The following MAST4 variants were observed in gnomAD, a reference collection of about 807,000 sequenced individuals.
MAST4 encodes the protein microtubule associated serine/threonine kinase family member 4.
A neutral mutation model predicts 162.7 loss-of-function variants in MAST4; 89 were observed. The observed-to-expected ratio is 0.55, with a 90% confidence interval of 0.46 to 0.65. MAST4 has a LOEUF of 0.65. Among genes scored for constraint, MAST4 ranks in the 30% least tolerant of loss-of-function variants. The pLI is 0.00. For missense variants in MAST4, 3,153 were observed against 3,374.0 expected, an observed-to-expected ratio of 0.93 and a Z score of 1.62; for synonymous variants, 1,479 against 1,361.1, an observed-to-expected ratio of 1.09 and a Z score of -1.91.
chr5:67,102,429 A>T, intron 8 of MAST4, 107 bp from the exon 9 acceptor site: 1 of 981,828 alleles, frequency 1.0e-6, no homozygotes, highest in East Asian at 2.4e-5. Context: ...TACTTTTCTT[A>T]CAAAGGTTGC....
chr5:67,088,713 G>A lies in MAST4; in HGVS notation c.764-1449G>A, dbSNP rs117364481. Among the ~76,000 whole-genome samples, 103 of 152,248 alleles carry A rather than the reference G, an allele frequency of 6.8e-4. 2 individuals are homozygous for A. In the East Asian group the frequency reaches 0.018, roughly 26 times the overall value. On this transcript the variant is annotated intron_variant, in intron 5 of 28. Transcript: ENST00000403625. ...GGGCCCAAGGAATAACAGATGCAAA[G>A]CCATGATAAATTTCATTGCAGCAGG... is the stretch of plus-strand genomic sequence containing the variant.
At chr5:66,677,340 C>A (rs1169069151) in intron 1 of MAST4, among the ~76,000 whole-genome samples, 2 of 152,178 alleles carry the variant, frequency 1.3e-5, no homozygotes, top group African/African-American at 4.8e-5. Context: ...GTGCTGGTGC[C>A]TGGACTAATT....
Position 67,166,484 on chromosome 5 carries a change from T to A in MAST4, c.7305T>A (p.Asn2435Lys), listed in dbSNP as rs1191921319. The change falls in exon 29 of 29, where the codon AAT (asparagine) becomes AAA (lysine). Residue 2435 changes from asparagine (N) to lysine (K), a missense_variant. Transcript: ENST00000403625. ...CACCGACGGAGGCAGACAAGCCCAA[T>A]GGCATGAAACGGTCCCCCTCAGCCA... Reference protein sequence around the residue: ...QKPPTEADKPNGMKRSPSATG... With the variant: ...QKPPTEADKPKGMKRSPSATG... The A allele has an allele frequency of 6.2e-7, 1 of 1,604,542 alleles. No individual in the cohort carries two copies. Among genetic ancestry groups the A allele is most frequent in the Admixed American group, 1.7e-5 (1 of 58,858 alleles).
intron 3 of MAST4, among the ~76,000 whole-genome samples, chr5:66,883,298 A>G (rs1201819263): frequency 6.6e-6 from 1 of 152,034 alleles, no homozygotes; most frequent in Non-Finnish European, 1.5e-5. Flanking sequence ...TTTACGTCCT[A>G]TGTGGAAGTC....
chr5:66,899,941 T>C lies in MAST4; in HGVS notation c.643-10T>C. 2.0e-6 allele frequency: 3 copies of C among 1,513,660 alleles called. No homozygotes were observed. The highest frequency in any genetic ancestry group is 2.6e-6 in the Non-Finnish European group (3 of 1,133,352). The allele number at this position is 1,513,660 out of a possible 1,614,324, so 93.8% of individuals were successfully genotyped here. On this transcript the variant is annotated splice_polypyrimidine_tract_variant and intron_variant, in intron 3 of 28. Coordinates refer to ENST00000403625, the MANE Select transcript of MAST4 (RefSeq NM_001164664.2). The stretch of plus-strand genomic sequence containing the variant: ...GCATTGCTTATATATGGTTTTTTTT[T>C]CTTTTGCAGAAGGAGCTGAGTCTCC...
chr5:66,615,427 C>G (rs142939093), intron 1 of MAST4, among the ~76,000 whole-genome samples: 1 of 152,250 alleles, frequency 6.6e-6, no homozygotes, highest in Non-Finnish European at 1.5e-5. Context: ...GCAAGCACAA[C>G]AGGCTAGAGG....
chr5:66,772,163 G>A (rs1354428187), intron 2 of MAST4, among the ~76,000 whole-genome samples: 1 of 152,170 alleles, frequency 6.6e-6, no homozygotes, highest in Non-Finnish European at 1.5e-5. Context: ...CACACTTCAT[G>A]TCCTTGAGGT....
At chr5:67,002,528 T>TTG (rs1413222893) in intron 4 of MAST4, among the ~76,000 whole-genome samples, 3 of 152,238 alleles carry the variant, frequency 2.0e-5, no homozygotes, top group Non-Finnish European at 4.4e-5. Flanking sequence ...AGCAGCCTGG[T>TTG]TGAAGACTCT....
intron 5 of MAST4, among the ~76,000 whole-genome samples, chr5:67,070,246 T>A (rs937802604): frequency 1.5e-4 from 23 of 152,212 alleles, no homozygotes; most frequent in Non-Finnish European, 3.2e-4. Context: ...GGCGGACTTT[T>A]AACATCAAGA....
chr5:66,898,355 G>T (rs367093), intron 3 of MAST4, among the ~76,000 whole-genome samples: 1 of 151,872 alleles, frequency 6.6e-6, no homozygotes, highest in East Asian at 1.9e-4. Context: ...CTCTCTTTTT[G>T]TTTTCTTTAA....
rs145116249 is a variant in MAST4 at position 67,056,633 on chromosome 5, A to G, written c.763+2141A>G. Among the ~76,000 whole-genome samples, 10 of 152,260 alleles carry G rather than the reference A, an allele frequency of 6.6e-5. No individual in the cohort carries two copies. In the East Asian group the frequency reaches 1.9e-3, roughly 29 times the overall value. On this transcript the variant is annotated intron_variant, in intron 5 of 28. Transcript: ENST00000403625. ...CTTAGCTTAAGTTCTTTCTCCTTCA[A>G]CATTAATATAGAATTTAATCAGAGG...
At chr5:66,922,838 G>A (rs534558793) in intron 4 of MAST4, among the ~76,000 whole-genome samples, 2 of 152,274 alleles carry the variant, frequency 1.3e-5, no homozygotes, top group South Asian at 2.1e-4. Context: ...GAATGAGTAG[G>A]ATATTCACAG....
rs116425948 is a variant in MAST4, at chr5:66,662,439, A to C, written c.363+65421A>C. ...AAGCTCTTCATTTCACATTTCCATCATGTAAAGTACCTTAATTACAGAATC... is the reference window on the plus strand; with the variant it reads ...AAGCTCTTCATTTCACATTTCCATCCTGTAAAGTACCTTAATTACAGAATC... On this transcript the variant is annotated intron_variant, in intron 1 of 28. Transcript: ENST00000403625. The C allele has an allele frequency of 6.6e-5, 10 of 152,300 alleles. No homozygotes were observed. The South Asian group carries it at 1.7e-3, about 25-fold the overall frequency. 9.4% of individuals were successfully genotyped at this position (152,300 alleles called of 1,614,324 possible). A position where few individuals can be genotyped will look rare whatever the true frequency, so the allele number is the denominator to read the frequency against.
chr5:66,846,851 A>G (rs1226294261), intron 3 of MAST4, among the ~76,000 whole-genome samples: 1 of 152,178 alleles, frequency 6.6e-6, no homozygotes. Flanking sequence ...TATTAATTTT[A>G]TTATGGAAAA....
chr5:66,911,811 A>G (rs1475208490), intron 4 of MAST4, among the ~76,000 whole-genome samples: 1 of 152,192 alleles, frequency 6.6e-6, no homozygotes, highest in Non-Finnish European at 1.5e-5. Context: ...CATATTTCAT[A>G]GATGTTTATG....
chr5:66,947,600 A>G (rs1316342146), intron 4 of MAST4, among the ~76,000 whole-genome samples: 2 of 152,126 alleles, frequency 1.3e-5, no homozygotes, highest in African/African-American at 2.4e-5. Flanking sequence ...TCTTTCTAGA[A>G]TTGTTATTAT....
Position 67,100,740 on chromosome 5 carries a change from A to G in MAST4, c.1070+148A>G, listed in dbSNP as rs964491660. 3.0e-6 allele frequency: 3 copies of G among 1,003,376 alleles called. No homozygotes were observed. The South Asian group carries it at 5.1e-5, about 17-fold the overall frequency. 62.2% of individuals were successfully genotyped at this position (1,003,376 alleles called of 1,614,324 possible). A position where few individuals can be genotyped will look rare whatever the true frequency, so the allele number is the denominator to read the frequency against. ...AGTGTGATGTTTCCATGTACACATAATATTGTTAATTACCATTGAAAGGCA... is the reference window on the plus strand; with the variant it reads ...AGTGTGATGTTTCCATGTACACATAGTATTGTTAATTACCATTGAAAGGCA... On this transcript the variant is annotated intron_variant, in intron 8 of 28. Coordinates refer to ENST00000403625, the MANE Select transcript of MAST4 (RefSeq NM_001164664.2).
intron 8 of MAST4, among the ~76,000 whole-genome samples, chr5:67,102,175 ATT>A (rs1413582951): frequency 6.6e-6 from 1 of 152,000 alleles, no homozygotes; most frequent in Non-Finnish European, 1.5e-5. Flanking sequence ...TAGCTATCCT[ATT>A]TTATTTTATT....
chr5:67,165,776 C>G lies in MAST4; in HGVS notation c.6597C>G (p.Asp2199Glu). 6.2e-7 allele frequency: 1 copy of G among 1,603,662 alleles called. No homozygotes were observed. The highest frequency in any genetic ancestry group is 8.5e-7 in the Non-Finnish European group (1 of 1,175,490). Residue 2199 changes from aspartate to glutamate, a missense_variant, in exon 29 of 29, where the codon GAC becomes GAG. This residue lies in a region of MAST4 where 1,644 missense variants were observed against 1,495.0 expected (regional missense o/e 1.10). Transcript: ENST00000403625. ...SSSHKPRPGPDPGPPKTKHPD... is the reference protein window; with the variant it reads ...SSSHKPRPGPEPGPPKTKHPD... ...GCCACAAGCCCCGGCCTGGCCCTGA[C>G]CCGGGCCCTCCAAAGACTAAGCACC... is the stretch of plus-strand genomic sequence containing the variant.
Sources: gnomAD v4.1 joint callset for allele counts (sites outside exome capture counted in the v4.1 genomes callset) on GRCh38, gnomAD v4.1.1 for gene constraint, gnomAD v4.1.1 regional missense constraint, MANE v1.5 for transcripts, NCBI Gene and HGNC (gene_info 2026-07-23, HGNC 2026-07-21) for gene names.